MARS1: variants seen among roughly 807,000 people sequenced by gnomAD.
The protein encoded by MARS1 is methionyl-tRNA synthetase 1.
In MARS1, 80 loss-of-function variants were observed where a neutral mutation model predicts 119.5. The observed-to-expected ratio is 0.67, with a 90% CI of 0.56 to 0.81. The LOEUF (loss-of-function observed/expected upper bound fraction) is 0.81. Ranked by LOEUF, MARS1 falls within the 30% of genes least tolerant of loss-of-function variation. The pLI, the probability that MARS1 is intolerant of heterozygous loss-of-function variation, is 0.00. For missense variants in MARS1, 945 were observed against 1,116.5 expected, an observed-to-expected ratio of 0.85 and a Z score of 2.19; for synonymous variants, 418 against 433.4, an observed-to-expected ratio of 0.96 and a Z score of 0.44.
At chr12:57,488,350 T>A (rs1051549595) in intron 1 of MARS1, 151 bp downstream of exon 1, 9 of 752,782 alleles carry the variant, frequency 1.2e-5, no homozygotes, top group Non-Finnish European at 1.7e-5. Flanking sequence ...CACGCCTTCT[T>A]CCCTCCCAGT....
intron 7 of MARS1, among the ~76,000 whole-genome samples, chr12:57,493,888 A>G (rs1388241395): frequency 1.7e-5 from 1 of 58,514 alleles, no homozygotes; most frequent in African/African-American, 8.1e-5. Context: ...AATATATAAT[A>G]TATATTTATG....
chr12:57,508,099 G>A (rs1877311201), intron 11 of MARS1, among the ~76,000 whole-genome samples: 1 of 152,052 alleles, frequency 6.6e-6, no homozygotes, highest in African/African-American at 2.4e-5. Flanking sequence ...TTCCTAGATG[G>A]GATGGCAGCT....
intron 9 of MARS1, 126 bp from the exon 10 acceptor site, chr12:57,500,195 T>G: frequency 1.3e-6 from 1 of 769,698 alleles, no homozygotes; most frequent in Non-Finnish European, 2.3e-6. Context: ...AGATGCCCTT[T>G]TCCTTGAGGA....
In MARS1 at chr12:57,488,117, C is replaced by T. The variant is rs766385130; in HGVS notation, c.27C>T (p.Val9=). MRLFVSDG[V]PGCLPVLAAA... ...TGAGACTGTTCGTGAGTGATGGCGT[C>T]CCGGGTTGCTTGCCGGTGCTGGCCG... The change falls in exon 1 of 21, where the codon GTC becomes GTT. Residue 9 remains valine, a synonymous_variant. Transcript: ENST00000262027. 1 of 1,614,206 alleles carries T rather than the reference C, an allele frequency of 6.2e-7. No homozygotes were observed. The highest frequency in any genetic ancestry group is 2.2e-5 in the East Asian group (1 of 44,884).
In MARS1 at chr12:57,495,601, C is replaced by T. The variant is rs373963025; in HGVS notation, c.771-2556C>T. On this transcript the variant is annotated intron_variant, in intron 7 of 20. Coordinates refer to ENST00000262027, the MANE Select transcript of MARS1 (RefSeq NM_004990.4). ...GCTCCTCACTTCCCAGACGGGGTGG[C>T]GGCCGGGCAGAGGCTGCAATCTTGG... Among the ~76,000 whole-genome samples the T allele has an allele frequency of 1.3e-3, 191 of 149,636 alleles. 4 individuals carry two copies. In the East Asian group the frequency reaches 0.027, roughly 21 times the overall value.
chr12:57,514,888 G>A (rs761431793), intron 16 of MARS1, 37 bp downstream of exon 16: 1 of 1,613,376 alleles, frequency 6.2e-7, no homozygotes, highest in South Asian at 1.1e-5. Flanking sequence ...CTGCTGGCAT[G>A]TTGAGAGCCT....
Position 57,516,645 on chromosome 12 carries a change from T to G in MARS1, c.*64T>G. The G allele has an allele frequency of 2.6e-6, 4 of 1,527,202 alleles. No homozygotes were observed. The highest frequency in any genetic ancestry group is 3.5e-6 in the Non-Finnish European group (4 of 1,141,154). 94.6% of individuals were successfully genotyped at this position (1,527,202 alleles called of 1,614,324 possible). On this transcript the variant is annotated 3_prime_UTR_variant, in exon 21 of 21. Coordinates refer to ENST00000262027, the MANE Select transcript of MARS1 (RefSeq NM_004990.4). ...GACAGTAATAAATAAATGTACAATC[T>G]CTATATACAAGCTGAGACCTTTCCT... is the stretch of plus-strand genomic sequence containing the variant.
Position 57,516,219 on chromosome 12 carries a change from C to T in MARS1, c.2464-26C>T, listed in dbSNP as rs372803097. On this transcript the variant is annotated intron_variant, in intron 19 of 20. Coordinates refer to ENST00000262027, the MANE Select transcript of MARS1 (RefSeq NM_004990.4). Reference sequence around the variant, plus strand: ...GGAGGTTAGGGGATATTTATGGTTGCTGGTGATAACTTTGTTGTTCTCCAG... The same window carrying T: ...GGAGGTTAGGGGATATTTATGGTTGTTGGTGATAACTTTGTTGTTCTCCAG... 2.2e-5 allele frequency: 35 copies of T among 1,602,066 alleles called. No homozygotes were observed. The African/African-American group carries it at 4.5e-4, about 21-fold the overall frequency.
intron 11 of MARS1, among the ~76,000 whole-genome samples, chr12:57,507,668 CA>C (rs1877267572): frequency 3.6e-5 from 4 of 111,506 alleles, no homozygotes; most frequent in Non-Finnish European, 2.0e-5. Context: ...TCTGGCCCCC[CA>C]CCTCCCTCCC....
In MARS1 at chr12:57,516,366, G is replaced by A. The variant is rs761817387; in HGVS notation, c.2556+29G>A. ...TGAAGCTTAAGCCCTGTGGGAGACT[G>A]GACAAGCTGAATCCTAAATAGATCT... On this transcript the variant is annotated intron_variant, in intron 20 of 20. Coordinates refer to ENST00000262027, the MANE Select transcript of MARS1 (RefSeq NM_004990.4). The A allele has an allele frequency of 1.2e-5, 19 of 1,613,332 alleles. 1 individual carries two copies. In the South Asian group the frequency reaches 1.3e-4, roughly 11 times the overall value.
intron 9 of MARS1, among the ~76,000 whole-genome samples, chr12:57,499,768 G>A (rs1876831436): frequency 6.6e-6 from 1 of 152,022 alleles, no homozygotes; most frequent in South Asian, 2.1e-4. Flanking sequence ...ACCTGGTGGT[G>A]GGCACCTATA....
At chr12:57,490,113 C>A in intron 5 of MARS1, 94 bp from the exon 6 acceptor site, 1 of 1,485,972 alleles carries the variant, frequency 6.7e-7, no homozygotes, top group Non-Finnish European at 9.3e-7. Context: ...CTGGGGAAAG[C>A]AACTGGAGAA....
chr12:57,511,956 G>T (rs1877543090), intron 12 of MARS1, 52 bp from the exon 13 acceptor site: 6 of 1,607,384 alleles, frequency 3.7e-6, no homozygotes, highest in Middle Eastern at 1.6e-4. Context: ...TCTTGTTTCA[G>T]TTTGAGACTT....
In MARS1 at chr12:57,511,698, C is replaced by T; in HGVS notation, c.1369C>T (p.Leu457=). 6.2e-7 allele frequency: 1 copy of T among 1,614,142 alleles called. No individual in the cohort carries two copies. Among genetic ancestry groups the T allele is most frequent in the Non-Finnish European group, 8.5e-7 (1 of 1,179,972 alleles). Residue 457 remains leucine (L), a splice_region_variant and synonymous_variant, in exon 12 of 21, where the codon CTG becomes TTG. Transcript: ENST00000262027. ...CAGCCCTCTTTCTCCGTTATCTCAG[C>T]TGGAGAAGCGACTGGAGGAGTGGTT... ...SQHLFLDLPK[L]EKRLEEWLGR...
intron 11 of MARS1, among the ~76,000 whole-genome samples, chr12:57,509,648 G>A (rs1877413156): frequency 6.6e-6 from 1 of 151,784 alleles, no homozygotes; most frequent in Non-Finnish European, 1.5e-5. Context: ...GATCTCAGGT[G>A]ATCTGCCTGC....
At chr12:57,489,612 G>A in intron 4 of MARS1, 54 bp downstream of exon 4, 1 of 1,609,186 alleles carries the variant, frequency 6.2e-7, no homozygotes, top group Non-Finnish European at 8.5e-7. Flanking sequence ...TAAGGATTAA[G>A]AGGGAAGACT....
At chr12:57,493,718 T>A (rs1342862849) in intron 7 of MARS1, among the ~76,000 whole-genome samples, 1 of 15,066 alleles carries the variant, frequency 6.6e-5, no homozygotes, top group Non-Finnish European at 9.2e-5. Flanking sequence ...TATTATATAT[T>A]ATATATTATA....
intron 1 of MARS1, 33 bp downstream of exon 1, chr12:57,488,232 G>C: frequency 6.3e-7 from 1 of 1,586,320 alleles, no homozygotes; most frequent in Non-Finnish European, 8.6e-7. Context: ...GCGGTGGATG[G>C]GGGGGCGGGA....
intron 7 of MARS1, among the ~76,000 whole-genome samples, chr12:57,497,897 C>A (rs1479905748): frequency 6.6e-6 from 1 of 152,040 alleles, no homozygotes; most frequent in Non-Finnish European, 1.5e-5. Flanking sequence ...GTAAAAGGGA[C>A]AGAAATTGGT....
Sources: gnomAD v4.1 joint callset for allele counts (sites outside exome capture counted in the v4.1 genomes callset) on GRCh38, gnomAD v4.1.1 for gene constraint, MANE v1.5 for transcripts, NCBI Gene and HGNC (gene_info 2026-07-23, HGNC 2026-07-21) for gene names.